The following TBCK variants were observed in gnomAD, a reference collection of about 807,000 sequenced individuals.
TBCK encodes the protein TBC domain-containing protein kinase-like protein.
A neutral mutation model predicts 113.4 loss-of-function variants in TBCK; 99 were observed. That is an observed-to-expected ratio of 0.87 (90% CI 0.74 to 1.03). The LOEUF is 1.03. TBCK is among the 50% of genes least tolerant of loss of function. The pLI, the probability that TBCK is intolerant of heterozygous loss-of-function variation, is 0.00. For missense variants in TBCK, 1,045 were observed against 1,061.3 expected (o/e 0.98, Z 0.21); for synonymous variants, 369 against 370.8 (o/e 1.00, Z 0.05).
At chr4:106,075,807 A>ATGTT (rs1738121653) in intron 25 of TBCK, among the ~76,000 whole-genome samples, 1 of 152,230 alleles carries the variant, frequency 6.6e-6, no homozygotes, top group South Asian at 2.1e-4. Context: ...AAAATTGTTA[A>ATGTT]TGTTTTATGA....
At chr4:106,271,708 C>A (rs1223959005) in intron 3 of TBCK, among the ~76,000 whole-genome samples, 1 of 150,366 alleles carries the variant, frequency 6.7e-6, no homozygotes, top group African/African-American at 2.5e-5. Flanking sequence ...GCTGAGATCG[C>A]GCCACTGCAC....
intron 24 of TBCK, among the ~76,000 whole-genome samples, chr4:106,115,166 C>T (rs1348328832): frequency 6.6e-6 from 1 of 152,032 alleles, no homozygotes; most frequent in Non-Finnish European, 1.5e-5. Context: ...AACATGAAAA[C>T]TTATTGCTGA....
chr4:106,154,426 T>C (rs1412678202), intron 23 of TBCK, among the ~76,000 whole-genome samples: 1 of 152,154 alleles, frequency 6.6e-6, no homozygotes, highest in African/African-American at 2.4e-5. Context: ...TCTTGAAATG[T>C]TGTTGTAGTT....
chr4:106,155,698 C>T (rs992376055), intron 23 of TBCK, among the ~76,000 whole-genome samples: 5 of 152,090 alleles, frequency 3.3e-5, no homozygotes, highest in Admixed American at 2.0e-4. Flanking sequence ...ATGCCAATTG[C>T]ACTTTTTCAA....
chr4:106,134,444 A>G (rs776849173), intron 23 of TBCK, among the ~76,000 whole-genome samples: 13 of 152,196 alleles, frequency 8.5e-5, no homozygotes, highest in Admixed American at 2.6e-4. Context: ...TACCAACAAA[A>G]TCTGTCCAAG....
chr4:106,265,935 A>G (rs1230332213), intron 3 of TBCK, among the ~76,000 whole-genome samples: 1 of 151,840 alleles, frequency 6.6e-6, no homozygotes, highest in East Asian at 1.9e-4. Flanking sequence ...TGCTATTTAA[A>G]TTGACTGTAA....
At chr4:106,102,976 T>C (rs1741720664) in intron 24 of TBCK, among the ~76,000 whole-genome samples, 1 of 152,170 alleles carries the variant, frequency 6.6e-6, no homozygotes, top group Admixed American at 6.5e-5. Context: ...TTGCGAAGAT[T>C]TACCTTGGTA....
intron 23 of TBCK, among the ~76,000 whole-genome samples, chr4:106,145,401 G>A (rs1046910245): frequency 1.3e-5 from 2 of 152,130 alleles, no homozygotes; most frequent in African/African-American, 4.8e-5. Flanking sequence ...AATTTGTGGT[G>A]CTTTCCATGG....
intron 19 of TBCK, among the ~76,000 whole-genome samples, chr4:106,228,279 T>C (rs963698563): frequency 7.9e-5 from 12 of 151,864 alleles, no homozygotes; most frequent in African/African-American, 2.9e-4. Context: ...ACAATTAAAT[T>C]ATTATTAACT....
intron 23 of TBCK, among the ~76,000 whole-genome samples, chr4:106,141,949 A>G (rs1327000795): frequency 7.1e-6 from 1 of 141,610 alleles, no homozygotes; most frequent in African/African-American, 2.5e-5. Flanking sequence ...CTAGAAAAGT[A>G]ATAAACTAAG....
chr4:106,217,880 T>C (rs1428303629), intron 19 of TBCK, among the ~76,000 whole-genome samples: 1 of 147,158 alleles, frequency 6.8e-6, no homozygotes, highest in African/African-American at 2.5e-5. Context: ...TTAAAGTTCA[T>C]ATGGAACCAA....
intron 25 of TBCK, among the ~76,000 whole-genome samples, chr4:106,077,072 G>A (rs1194893879): frequency 6.6e-6 from 1 of 152,136 alleles, no homozygotes; most frequent in Admixed American, 6.5e-5. Context: ...CTGCACTCCA[G>A]CTGGGGAGAT....
chr4:106,094,471 G>T (rs1396934299), intron 25 of TBCK, among the ~76,000 whole-genome samples: 1 of 151,730 alleles, frequency 6.6e-6, no homozygotes, highest in Non-Finnish European at 1.5e-5. Context: ...TATAATAAAA[G>T]ACATTTTAGG....
intron 3 of TBCK, among the ~76,000 whole-genome samples, chr4:106,269,241 C>T (rs1763263988): frequency 6.6e-6 from 1 of 152,044 alleles, no homozygotes; most frequent in Non-Finnish European, 1.5e-5. Flanking sequence ...GATAATATTA[C>T]AAGTGAATAA....
intron 2 of TBCK, among the ~76,000 whole-genome samples, chr4:106,301,035 C>T (rs1766880956): frequency 6.6e-6 from 1 of 152,012 alleles, no homozygotes; most frequent in Non-Finnish European, 1.5e-5. Flanking sequence ...GAGCTTCTGC[C>T]CAAGAGTTCA....
Position 106,233,075 on chromosome 4 carries a change from AG to A in TBCK, c.1513-12del. On this transcript the variant is annotated splice_polypyrimidine_tract_variant and intron_variant, in intron 16 of 25. Coordinates refer to ENST00000394708, the MANE Select transcript of TBCK (RefSeq NM_001163435.3). The stretch of plus-strand genomic sequence containing the variant: ...AATATCCACTTCAATCTGTTAAAAT[AG>A]CAAAATAATAAGGTGAAACAGTAAT... 1 of 1,606,532 alleles carries A rather than the reference AG, an allele frequency of 6.2e-7. No individual in the cohort carries two copies. Among genetic ancestry groups the A allele is most frequent in the South Asian group, 1.1e-5 (1 of 90,466 alleles).
At chr4:106,159,921 A>C (rs773553742) in intron 23 of TBCK, among the ~76,000 whole-genome samples, 34 of 152,190 alleles carry the variant, frequency 2.2e-4, no homozygotes, top group Admixed American at 8.5e-4. Flanking sequence ...TACTGGCATA[A>C]AGGCAGACAG....
intron 24 of TBCK, among the ~76,000 whole-genome samples, chr4:106,113,033 T>C (rs1743039908): frequency 2.0e-5 from 3 of 152,254 alleles, no homozygotes; most frequent in South Asian, 2.1e-4. Context: ...AAAACTAAGA[T>C]ATGTACATGT....
At chr4:106,209,314 ACT>A (rs1755866393) in intron 20 of TBCK, among the ~76,000 whole-genome samples, 1 of 152,112 alleles carries the variant, frequency 6.6e-6, no homozygotes, top group South Asian at 2.1e-4. Context: ...ACACCAATGT[ACT>A]CTCCACTCAG....
Sources: gnomAD v4.1 joint callset for allele counts (sites outside exome capture counted in the v4.1 genomes callset) on GRCh38, gnomAD v4.1.1 for gene constraint, MANE v1.5 for transcripts, NCBI Gene and HGNC (gene_info 2026-07-23, HGNC 2026-07-21) for gene names.